Variants in STRN observed in about 807,000 individuals in gnomAD.
STRN encodes the protein striatin, also known as protein phosphatase 2 regulatory subunit B'''alpha.
In STRN, 53 loss-of-function variants were observed where a neutral mutation model predicts 96.3. The ratio of observed to expected loss-of-function variants is 0.55; its 90% CI spans 0.44 to 0.69. The LOEUF (loss-of-function observed/expected upper bound fraction) is 0.69, where lower values mean the gene tolerates loss of function less well. Ranked by LOEUF, STRN falls within the 30% of genes least tolerant of loss-of-function variation. The pLI, the probability that STRN is intolerant of heterozygous loss-of-function variation, is 0.00. For missense variants in STRN, 987 were observed against 963.9 expected (o/e 1.02, Z -0.32); for synonymous variants, 428 against 355.9 (o/e 1.20, Z -2.28).
intron 2 of STRN, among the ~76,000 whole-genome samples, chr2:36,917,051 A>T (rs1322493514): frequency 6.9e-6 from 1 of 145,488 alleles, no homozygotes; most frequent in Non-Finnish European, 1.5e-5. Flanking sequence ...CAATAAAAAA[A>T]TAAAAAATAA....
Position 36,838,705 on chromosome 2 carries a change from C to G in STRN, c.*10751G>C, listed in dbSNP as rs951108580. On this transcript the variant is annotated 3_prime_UTR_variant, in exon 18 of 18. Coordinates refer to ENST00000263918, the MANE Select transcript of STRN (RefSeq NM_003162.4). ...TAAATATACATACTCCTCAATGCAG[C>G]AATCCTACTCCAGGGAATCTATTCC... Among the ~76,000 whole-genome samples, 1 of 152,250 alleles carries G rather than the reference C, an allele frequency of 6.6e-6. No individual in the cohort carries two copies. Among genetic ancestry groups the G allele is most frequent in the Admixed American group, 6.5e-5 (1 of 15,294 alleles).
intron 1 of STRN, among the ~76,000 whole-genome samples, chr2:36,930,158 G>A (rs1490888483): frequency 2.0e-5 from 3 of 152,160 alleles, no homozygotes; most frequent in Non-Finnish European, 2.9e-5. Context: ...CAGGCTAGGC[G>A]CGGTGGTTCA....
At chr2:36,939,956 T>C (rs1670804849) in intron 1 of STRN, among the ~76,000 whole-genome samples, 1 of 152,192 alleles carries the variant, frequency 6.6e-6, no homozygotes, top group Non-Finnish European at 1.5e-5. Context: ...TAGTAAAATC[T>C]ATTCATTCAT....
At chr2:36,958,444 A>G (rs1250218487) in intron 1 of STRN, among the ~76,000 whole-genome samples, 2 of 152,176 alleles carry the variant, frequency 1.3e-5, no homozygotes, top group Non-Finnish European at 2.9e-5. Flanking sequence ...ACAGAACAAT[A>G]TTTTTTTAAG....
chr2:36,876,973 C>A (rs1478083068), intron 10 of STRN, among the ~76,000 whole-genome samples: 1 of 152,150 alleles, frequency 6.6e-6, no homozygotes, highest in African/African-American at 2.4e-5. Context: ...TGGTCCCGAT[C>A]TCCTGACCTC....
intron 10 of STRN, among the ~76,000 whole-genome samples, chr2:36,872,432 C>A (rs149983801): frequency 6.6e-6 from 1 of 152,304 alleles, no homozygotes; most frequent in East Asian, 1.9e-4. Context: ...GCAGCTCTGG[C>A]CAACATCTTG....
In STRN at chr2:36,926,244, T is replaced by A. The variant is rs920162880; in HGVS notation, c.235-1036A>T. 2.6e-5 allele frequency among the ~76,000 whole-genome samples: 4 copies of A among 152,112 alleles called. No homozygotes were observed. In the East Asian group the frequency reaches 7.7e-4, roughly 29 times the overall value. ...AGCTCTCCAGAATATTAAAAGAACA[T>A]TGACAATTGAAATACTATCTTTCAC... On this transcript the variant is annotated intron_variant, in intron 1 of 17. Transcript: ENST00000263918.
intron 9 of STRN, 26 bp from the exon 10 acceptor site, chr2:36,878,053 T>G (rs1268460462): frequency 1.9e-6 from 3 of 1,610,846 alleles, no homozygotes; most frequent in South Asian, 2.2e-5. Flanking sequence ...AAAGGAAACA[T>G]TAAAAAATCT....
intron 14 of STRN, 67 bp downstream of exon 14, chr2:36,857,789 G>C (rs1668383727): frequency 1.5e-6 from 2 of 1,320,260 alleles, no homozygotes; most frequent in African/African-American, 1.5e-5. Context: ...TCATTTATCT[G>C]CTTGCTTATT....
chr2:36,899,744 A>G (rs2148196209), intron 5 of STRN, 86 bp from the exon 6 acceptor site: 1 of 1,221,482 alleles, frequency 8.2e-7, no homozygotes, highest in South Asian at 1.7e-5. Flanking sequence ...ATCAACTTCT[A>G]TTTATATGGT....
rs969696650 is a variant in STRN at position 36,838,650 on chromosome 2, A to C, written c.*10806T>G. On this transcript the variant is annotated 3_prime_UTR_variant, in exon 18 of 18. Transcript: ENST00000263918. ...TAAAAACTGTTCCGGCCACTTTGGG[A>C]AACAATCTGTCAATATTTATTTAAA... Among the ~76,000 whole-genome samples, 1 of 152,210 alleles carries C rather than the reference A, an allele frequency of 6.6e-6. No homozygotes were observed. The highest frequency in any genetic ancestry group is 2.4e-5 in the African/African-American group (1 of 41,444).
rs9789527 is a variant in STRN at position 36,838,549 on chromosome 2, C to T, written c.*10907G>A. The stretch of plus-strand genomic sequence containing the variant: ...CACCAGGATTTTTTTCTTTTTTCTA[C>T]GTATTTTTTAATGTTACAATAGTTA... On this transcript the variant is annotated 3_prime_UTR_variant, in exon 18 of 18. Coordinates refer to ENST00000263918, the MANE Select transcript of STRN (RefSeq NM_003162.4). Among the ~76,000 whole-genome samples, 128,486 of 152,098 alleles carry T rather than the reference C, an allele frequency of 0.84. 56,594 individuals carry two copies. Among genetic ancestry groups the T allele is most frequent in the Non-Finnish European group, 0.96 (65,516 of 68,036 alleles).
chr2:36,961,116 T>A (rs1019310656), intron 1 of STRN, among the ~76,000 whole-genome samples: 5 of 90,034 alleles, frequency 5.6e-5, no homozygotes, highest in Admixed American at 1.0e-4. Flanking sequence ...CAGGCTGCAC[T>A]TTTTTTTTTT....
At chr2:36,894,923 G>A (rs574524019) in intron 6 of STRN, among the ~76,000 whole-genome samples, 66 of 152,196 alleles carry the variant, frequency 4.3e-4, no homozygotes, top group African/African-American at 1.1e-3. Context: ...ACAAGATACA[G>A]CCTCAGAAAT....
At position 36,839,365 on chromosome 2, in the gene STRN, T is replaced by A. The variant is rs556861802; in HGVS notation, c.*10091A>T. On this transcript the variant is annotated 3_prime_UTR_variant, in exon 18 of 18. Transcript: ENST00000263918. The stretch of plus-strand genomic sequence containing the variant: ...TGCCAGCAACTAGAACTGTGTGGCA[T>A]ATAGCTGGCACTCAAATATTAAGGA... Among the ~76,000 whole-genome samples, 2 of 152,186 alleles carry A rather than the reference T, an allele frequency of 1.3e-5. No homozygotes were observed. The highest frequency in any genetic ancestry group is 1.3e-4 in the Admixed American group (2 of 15,280).
Position 36,855,879 on chromosome 2 carries a change from A to G in STRN, c.1838-527T>C, listed in dbSNP as rs567982170. On this transcript the variant is annotated intron_variant, in intron 14 of 17. Coordinates refer to ENST00000263918, the MANE Select transcript of STRN (RefSeq NM_003162.4). ...AAGAATACAGAAGGTATTTTTATTT[A>G]CCATCTAGAATACATGAAAACTTAG... is the stretch of plus-strand genomic sequence containing the variant. 2.0e-5 allele frequency among the ~76,000 whole-genome samples: 3 copies of G among 152,324 alleles called. No individual in the cohort carries two copies. In the South Asian group the frequency reaches 6.2e-4, roughly 32 times the overall value.
intron 12 of STRN, among the ~76,000 whole-genome samples, chr2:36,863,351 A>T (rs985424940): frequency 2.6e-5 from 4 of 152,172 alleles, no homozygotes; most frequent in Non-Finnish European, 5.9e-5. Context: ...TGATTTTTAT[A>T]TATGGTATAA....
At position 36,844,727 on chromosome 2, in the gene STRN, T is replaced by C. The variant is rs1003901177; in HGVS notation, c.*4729A>G. The C allele has an allele frequency of 3.3e-5, 5 of 152,138 alleles. No individual in the cohort carries two copies. Among genetic ancestry groups the C allele is most frequent in the Non-Finnish European group, 7.4e-5 (5 of 68,008 alleles). 9.4% of individuals were successfully genotyped at this position (152,138 alleles called of 1,614,324 possible). ...AAACTGAAAGGATCTGTTAAATACT[T>C]TGTCAACCTGGCATCCCTGACACTG... On this transcript the variant is annotated 3_prime_UTR_variant, in exon 18 of 18. Coordinates refer to ENST00000263918, the MANE Select transcript of STRN (RefSeq NM_003162.4).
At chr2:36,934,095 G>A (rs548464107) in intron 1 of STRN, among the ~76,000 whole-genome samples, 25 of 152,032 alleles carry the variant, frequency 1.6e-4, no homozygotes, top group African/African-American at 5.5e-4. Flanking sequence ...GGTGACAGAG[G>A]GAGACTCCGT....
Sources: allele counts gnomAD v4.1 joint callset (sites outside exome capture counted in the v4.1 genomes callset), GRCh38; gene constraint gnomAD v4.1.1; transcripts MANE v1.5; gene names NCBI Gene and HGNC (gene_info 2026-07-23, HGNC 2026-07-21).